The following PICK1 variants were observed in gnomAD, a reference collection of about 807,000 sequenced individuals.
PICK1 encodes the protein protein interacting with PRKCA 1.
PICK1 carries 23 observed loss-of-function variants against 48.9 expected under a neutral mutation model. The observed-to-expected ratio is 0.47, with a 90% CI of 0.34 to 0.67. The LOEUF (loss-of-function observed/expected upper bound fraction) is 0.67, where lower values mean the gene tolerates loss of function less well. PICK1 is among the 30% of genes least tolerant of loss of function. PICK1 has a pLI of 0.01. For synonymous variants in PICK1, 217 were observed against 228.2 expected (o/e 0.95, Z 0.44); for missense variants, 423 against 557.1 (o/e 0.76, Z 2.42).
chr22:38,059,370 A>C, intron 3 of PICK1, 25 bp downstream of exon 3: 4 of 1,424,264 alleles, frequency 2.8e-6, no homozygotes, highest in South Asian at 1.2e-5. Context: ...GGAGGGGGGC[A>C]CAAGGTACAT....
chr22:38,058,001 C>T (rs1049548115), intron 2 of PICK1, 151 bp downstream of exon 2: 1 of 726,954 alleles, frequency 1.4e-6, no homozygotes, highest in African/African-American at 1.7e-5. Context: ...CAGGAGCTCA[C>T]TATTTGTAGG....
intron 3 of PICK1, among the ~76,000 whole-genome samples, chr22:38,060,673 G>A (rs3948): frequency 0.31 from 46,998 of 151,698 alleles, 7,447 homozygotes; most frequent in East Asian, 0.4. Flanking sequence ...TGTCTGCTCA[G>A]CCTCTCGCCA....
rs558708602 is a variant in PICK1 at position 38,074,499 on chromosome 22, A to G, written c.979+48A>G. On this transcript the variant is annotated intron_variant, in intron 12 of 12. Coordinates refer to ENST00000356976, the MANE Select transcript of PICK1 (RefSeq NM_012407.4). This position sits in a 1 kb window ranked among gnomAD's most constrained non-coding sequence, Gnocchi z 4.5. ...TCCGCTCTCCATTTCAGAGGTGGGA[A>G]AACTGAGGCCCAGAGGGGTACTCTC... 1.2e-6 allele frequency: 2 copies of G among 1,608,162 alleles called. No individual in the cohort carries two copies. The highest frequency in any genetic ancestry group is 3.4e-5 in the Admixed American group (2 of 59,268).
At chr22:38,072,734 A>G (rs2085732752) in intron 9 of PICK1, 124 bp downstream of exon 9, 1 of 1,393,510 alleles carries the variant, frequency 7.2e-7, no homozygotes, top group Non-Finnish European at 1.0e-6. Flanking sequence ...AGTCACCCAC[A>G]CAGTGGACTG....
intron 3 of PICK1, among the ~76,000 whole-genome samples, chr22:38,061,936 A>T (rs530117473): frequency 6.6e-6 from 1 of 152,278 alleles, no homozygotes; most frequent in East Asian, 1.9e-4. Flanking sequence ...CCACCTTTCC[A>T]ACATAGTTAT....
At chr22:38,071,989 C>T in intron 8 of PICK1, 1 of 569,388 alleles carries the variant, frequency 1.8e-6, no homozygotes, top group South Asian at 2.0e-5. Flanking sequence ...GTACACAAGG[C>T]CCTTGCTTAT....
intron 3 of PICK1, 97 bp downstream of exon 3, chr22:38,059,442 A>C: frequency 1.2e-6 from 1 of 863,112 alleles, no homozygotes; most frequent in Non-Finnish European, 1.9e-6. Context: ...ACTCCTTCTC[A>C]TTCTTGAGGT....
chr22:38,058,698 G>A (rs2085329282), intron 2 of PICK1, among the ~76,000 whole-genome samples: 2 of 152,274 alleles, frequency 1.3e-5, no homozygotes, highest in South Asian at 4.2e-4. Context: ...ATGCACAGAG[G>A]CTGACTTACC....
At chr22:38,067,904 T>C in intron 5 of PICK1, 134 bp downstream of exon 5, 1 of 772,168 alleles carries the variant, frequency 1.3e-6, no homozygotes, top group African/African-American at 1.7e-5. Flanking sequence ...CTGTGGGCTC[T>C]GACCTCTGAC....
chr22:38,061,401 A>G (rs1166772927), intron 3 of PICK1, among the ~76,000 whole-genome samples: 2 of 152,108 alleles, frequency 1.3e-5, no homozygotes, highest in African/African-American at 4.8e-5. Flanking sequence ...TTTTGTTTTT[A>G]TCAAAGTGCC....
At position 38,074,232 on chromosome 22, in the gene PICK1, C is replaced by G. The variant is rs2085773213; in HGVS notation, c.835-75C>G. Reference sequence around the variant, plus strand: ...GAAATGAGGTCTCAGGAATGAAGAACAGCCGTGGCTTTGAAAGCACAGTGC... The same window carrying G: ...GAAATGAGGTCTCAGGAATGAAGAAGAGCCGTGGCTTTGAAAGCACAGTGC... On this transcript the variant is annotated intron_variant, in intron 11 of 12. Coordinates refer to ENST00000356976, the MANE Select transcript of PICK1 (RefSeq NM_012407.4). The surrounding 1 kb of genome is among the most constrained non-coding windows in gnomAD (Gnocchi z 4.5). 5 of 1,536,476 alleles carry G rather than the reference C, an allele frequency of 3.3e-6. No homozygotes were observed. The East Asian group carries it at 1.1e-4, about 35-fold the overall frequency.
At chr22:38,067,476 T>G in intron 4 of PICK1, 2 of 476,674 alleles carry the variant, frequency 4.2e-6, no homozygotes, top group East Asian at 8.8e-5. Flanking sequence ...GCCCAGCTAA[T>G]TTTTGTATTT....
rs976648189 is a variant in PICK1 at position 38,057,842 on chromosome 22, G to A, written c.33G>A (p.Glu11=). Residue 11 remains glutamate, a synonymous_variant, in exon 2 of 13, where the codon GAG becomes GAA. Coordinates refer to ENST00000356976, the MANE Select transcript of PICK1 (RefSeq NM_012407.4). MFADLDYDIE[E]DKLGIPTVPG... ...CAGACTTGGATTATGACATCGAAGA[G>A]GATAAACTGTGAGTATTTTATTCCC... is the stretch of plus-strand genomic sequence containing the variant. The A allele has an allele frequency of 2.5e-6, 4 of 1,613,770 alleles. No homozygotes were observed. The highest frequency in any genetic ancestry group is 3.4e-6 in the Non-Finnish European group (4 of 1,179,626).
At chr22:38,071,939 T>A (rs1387949192) in intron 8 of PICK1, 195 bp downstream of exon 8, 1 of 646,226 alleles carries the variant, frequency 1.5e-6, no homozygotes, top group African/African-American at 1.8e-5. Flanking sequence ...GCCGCAACGA[T>A]GAACAGGCCC....
At position 38,074,779 on chromosome 22, in the gene PICK1, G is replaced by T. The variant is rs775413595; in HGVS notation, c.980-85G>T. 3.9e-6 allele frequency: 6 copies of T among 1,546,674 alleles called. No homozygotes were observed. Among genetic ancestry groups the T allele is most frequent in the Non-Finnish European group, 5.3e-6 (6 of 1,137,896 alleles). On this transcript the variant is annotated intron_variant, in intron 12 of 12. Coordinates refer to ENST00000356976, the MANE Select transcript of PICK1 (RefSeq NM_012407.4). This position sits in a 1 kb window ranked among gnomAD's most constrained non-coding sequence, Gnocchi z 4.5. ...GTGGGAAGCCCAGGGGAGGCGAGAG[G>T]TGGGCCGGGTGGGCTGGGAGAGTCT... is the stretch of plus-strand genomic sequence containing the variant.
chr22:38,062,712 C>T (rs989553341), intron 3 of PICK1, among the ~76,000 whole-genome samples: 3 of 152,094 alleles, frequency 2.0e-5, no homozygotes, highest in Non-Finnish European at 4.4e-5. Context: ...AGAAAGGGCA[C>T]GTGGGATGTC....
rs2085763917 is a variant in PICK1, at chr22:38,073,895, G to A, written c.834+72G>A. ...CTGCCAGGGATAGCAGGTGGCTCAG[G>A]CCAACCCGGGAGAGACCGGGGGGAC... On this transcript the variant is annotated intron_variant, in intron 11 of 12. Coordinates refer to ENST00000356976, the MANE Select transcript of PICK1 (RefSeq NM_012407.4). The surrounding 1 kb of genome is among the most constrained non-coding windows in gnomAD (Gnocchi z 5.7). The A allele has an allele frequency of 2.1e-6, 3 of 1,461,838 alleles. No individual in the cohort carries two copies. In the Admixed American group the frequency reaches 5.0e-5, roughly 24 times the overall value. 90.6% of individuals were successfully genotyped at this position (1,461,838 alleles called of 1,614,324 possible).
rs2145855434 is a variant in PICK1, at chr22:38,059,225, C to T, written c.42-9C>T. ...CAGGAGAGTCAGCCTAGCTTGCTTT[C>T]CTTTCTAGCGGAATCCCGACTGTGC... On this transcript the variant is annotated splice_polypyrimidine_tract_variant and intron_variant, in intron 2 of 12. Coordinates refer to ENST00000356976, the MANE Select transcript of PICK1 (RefSeq NM_012407.4). 2 of 1,563,276 alleles carry T rather than the reference C, an allele frequency of 1.3e-6. No homozygotes were observed. The highest frequency in any genetic ancestry group is 2.4e-5 in the South Asian group (2 of 84,860).
At chr22:38,057,978 G>A (rs1046792904) in intron 2 of PICK1, 128 bp downstream of exon 2, 2 of 782,306 alleles carry the variant, frequency 2.6e-6, no homozygotes, top group African/African-American at 3.4e-5. Flanking sequence ...AGCAGCAATG[G>A]ACCCTGCTCT....
Sources: gnomAD v4.1 joint callset for allele counts (sites outside exome capture counted in the v4.1 genomes callset) on GRCh38, gnomAD v4.1.1 for gene constraint, Gnocchi (gnomAD v3.1) non-coding constraint, MANE v1.5 for transcripts, NCBI Gene and HGNC (gene_info 2026-07-23, HGNC 2026-07-21) for gene names.